Variants in FBXO25 observed in about 807,000 individuals in gnomAD.
FBXO25 encodes F-box protein 25, also known as F-box only protein 25.
In FBXO25, 45 loss-of-function variants were observed where a neutral mutation model predicts 51.9. The ratio of observed to expected loss-of-function variants is 0.87; its 90% CI spans 0.68 to 1.11. The LOEUF is 1.11. Among genes scored for constraint, FBXO25 ranks in the 50% most tolerant of loss-of-function variants. The pLI is 0.00. For synonymous variants in FBXO25, 199 were observed against 151.0 expected (o/e 1.32, Z -2.33); for missense variants, 507 against 428.5 (o/e 1.18, Z -1.62).
rs563515761 is a variant in FBXO25, at chr8:437,797, T to C, written c.381+2090T>C. ...TTATCATACATACTGTGCAGGTATT[T>C]GGTATTTTTTTGCTGTTTTAAATGT... On this transcript the variant is annotated intron_variant, in intron 5 of 9. Transcript: ENST00000350302. 2.0e-5 allele frequency among the ~76,000 whole-genome samples: 3 copies of C among 152,088 alleles called. No individual in the cohort carries two copies. The South Asian group carries it at 6.2e-4, about 32-fold the overall frequency.
intron 5 of FBXO25, among the ~76,000 whole-genome samples, chr8:447,711 C>G (rs1386439507): frequency 2.8e-4 from 42 of 152,140 alleles, no homozygotes; most frequent in Non-Finnish European, 2.9e-5. Flanking sequence ...TTCACATACA[C>G]CTTATACATA....
At chr8:445,062 G>C (rs1045591413) in intron 5 of FBXO25, among the ~76,000 whole-genome samples, 3 of 152,174 alleles carry the variant, frequency 2.0e-5, no homozygotes, top group African/African-American at 7.2e-5. Flanking sequence ...AATGATTACA[G>C]TTTCTTTGTT....
At chr8:408,837 G>C (rs1796322833) in intron 1 of FBXO25, among the ~76,000 whole-genome samples, 1 of 152,058 alleles carries the variant, frequency 6.6e-6, no homozygotes. Context: ...GAAATAAGTT[G>C]GCATAAAATG....
At chr8:430,778 A>T (rs1379812579) in intron 2 of FBXO25, among the ~76,000 whole-genome samples, 1 of 152,228 alleles carries the variant, frequency 6.6e-6, no homozygotes, top group East Asian at 1.9e-4. Context: ...ACGAAGAAGA[A>T]AAGCTTTTAA....
chr8:454,407 T>A (rs1263882367), intron 7 of FBXO25, among the ~76,000 whole-genome samples: 2 of 152,204 alleles, frequency 1.3e-5, no homozygotes, highest in Non-Finnish European at 2.9e-5. Context: ...GATGCCCCCA[T>A]GTGCTCGCTG....
Position 471,421 on chromosome 8 carries a change from A to G in FBXO25, c.*2617A>G, listed in dbSNP as rs896477610. 1 of 152,232 alleles carries G rather than the reference A, an allele frequency of 6.6e-6. No individual in the cohort carries two copies. Among genetic ancestry groups the G allele is most frequent in the Non-Finnish European group, 1.5e-5 (1 of 68,034 alleles). 9.4% of individuals were successfully genotyped at this position (152,232 alleles called of 1,614,324 possible). On this transcript the variant is annotated 3_prime_UTR_variant, in exon 10 of 10. Coordinates refer to ENST00000350302, the MANE Select transcript of FBXO25 (RefSeq NM_183420.2). ...ACTTTGGAATGGTATTTTTGAATAC[A>G]GTTTCTATCAGGGGGCCTTCCAAAA...
At chr8:419,136 G>T (rs1374891022) in intron 2 of FBXO25, among the ~76,000 whole-genome samples, 1 of 151,912 alleles carries the variant, frequency 6.6e-6, no homozygotes, top group African/African-American at 2.4e-5. Flanking sequence ...AAGGCGGGCG[G>T]ATCACCTGAG....
In FBXO25 at chr8:468,728, C is replaced by T. The variant is rs760339020; in HGVS notation, c.1001C>T (p.Pro334Leu). ...ACCTCCCCACAGGACTCAGGACACCCCTGCACGGCGGCCGACCCTGACAGC... is the reference window on the plus strand; with the variant it reads ...ACCTCCCCACAGGACTCAGGACACCTCTGCACGGCGGCCGACCCTGACAGC... Reference protein sequence around the residue: ...SILFWKDSGHPCTAADPDSCF... With the variant: ...SILFWKDSGHLCTAADPDSCF... The change falls in exon 10 of 10, where the codon CCC becomes CTC. Residue 334 changes from proline (P) to leucine (L), a missense_variant. Physicochemically the swap from Pro to Leu is moderately conservative, Grantham distance 98 (BLOSUM62 -3). Transcript: ENST00000350302. The T allele has an allele frequency of 8.1e-6, 13 of 1,614,016 alleles. No individual in the cohort carries two copies. In the Admixed American group the frequency reaches 8.3e-5, roughly 10 times the overall value.
rs967754028 is a variant in FBXO25, at chr8:477,898, T to G, written c.*9094T>G. 3.3e-5 allele frequency: 5 copies of G among 152,228 alleles called. No homozygotes were observed. Among genetic ancestry groups the G allele is most frequent in the Non-Finnish European group, 5.9e-5 (4 of 68,026 alleles). 9.4% of individuals were successfully genotyped at this position (152,228 alleles called of 1,614,324 possible). A position where few individuals can be genotyped will look rare whatever the true frequency, so the allele number is the denominator to read the frequency against. On this transcript the variant is annotated 3_prime_UTR_variant, in exon 10 of 10. Transcript: ENST00000350302. Reference sequence around the variant, plus strand: ...CTGGTGGGCCCAATTTTGGCCTGTATTTCACTTGCCAACCTGATTTATACT... The same window carrying G: ...CTGGTGGGCCCAATTTTGGCCTGTAGTTCACTTGCCAACCTGATTTATACT...
At position 463,165 on chromosome 8, in the gene FBXO25, G is replaced by C; in HGVS notation, c.987+15G>C. 6.2e-7 allele frequency: 1 copy of C among 1,604,790 alleles called. No homozygotes were observed. The highest frequency in any genetic ancestry group is 8.5e-7 in the Non-Finnish European group (1 of 1,178,182). On this transcript the variant is annotated intron_variant, in intron 9 of 9. Coordinates refer to ENST00000350302, the MANE Select transcript of FBXO25 (RefSeq NM_183420.2). Reference sequence around the variant, plus strand: ...TCTTTTGGAAGGTACTGATTTAAATGCACTCTTGGAATTTCAGGATTAAAT... The same window carrying C: ...TCTTTTGGAAGGTACTGATTTAAATCCACTCTTGGAATTTCAGGATTAAAT...
At chr8:468,649 A>T in intron 9 of FBXO25, 66 bp from the exon 10 acceptor site, 1 of 1,276,752 alleles carries the variant, frequency 7.8e-7, no homozygotes, top group Non-Finnish European at 1.1e-6. Context: ...ACGACCCCTC[A>T]AGCACCATCA....
chr8:433,951 C>A (rs945106125), intron 4 of FBXO25, among the ~76,000 whole-genome samples: 3 of 152,184 alleles, frequency 2.0e-5, no homozygotes, highest in African/African-American at 7.2e-5. Context: ...TTGTGAAAAA[C>A]AAAATTTAGT....
intron 5 of FBXO25, among the ~76,000 whole-genome samples, chr8:445,223 G>C (rs186060886): frequency 1.3e-5 from 2 of 152,230 alleles, no homozygotes; most frequent in Non-Finnish European, 2.9e-5. Context: ...TAAACTGACC[G>C]TGCTAAGCTA....
Position 471,382 on chromosome 8 carries a change from AATC to A in FBXO25, c.*2581_*2583del, listed in dbSNP as rs1303421443. On this transcript the variant is annotated 3_prime_UTR_variant, in exon 10 of 10. Coordinates refer to ENST00000350302, the MANE Select transcript of FBXO25 (RefSeq NM_183420.2). ...AACACCAAACAGAGATGAGAAGAGA[AATC>A]ATAGATCTCCACTTTGGAATGGTAT... The A allele has an allele frequency of 6.6e-6, 1 of 152,062 alleles. No homozygotes were observed. The highest frequency in any genetic ancestry group is 1.5e-5 in the Non-Finnish European group (1 of 67,998). The allele number at this position is 152,062 out of a possible 1,614,324, so 9.4% of individuals were successfully genotyped here.
In FBXO25 at chr8:477,822, C is replaced by T. The variant is rs753237006; in HGVS notation, c.*9018C>T. On this transcript the variant is annotated 3_prime_UTR_variant, in exon 10 of 10. Transcript: ENST00000350302. Reference sequence around the variant, plus strand: ...GATATTACCCTTTTACATCTTTTCACTATTTAAAAATGTAAAAATCATTCT... The same window carrying T: ...GATATTACCCTTTTACATCTTTTCATTATTTAAAAATGTAAAAATCATTCT... 1 of 152,244 alleles carries T rather than the reference C, an allele frequency of 6.6e-6. No individual in the cohort carries two copies. Among genetic ancestry groups the T allele is most frequent in the Non-Finnish European group, 1.5e-5 (1 of 68,046 alleles). 9.4% of individuals were successfully genotyped at this position (152,244 alleles called of 1,614,324 possible). A position where few individuals can be genotyped will look rare whatever the true frequency, so the allele number is the denominator to read the frequency against.
intron 7 of FBXO25, among the ~76,000 whole-genome samples, chr8:454,773 C>T (rs1030225566): frequency 3.9e-5 from 6 of 151,972 alleles, no homozygotes; most frequent in Non-Finnish European, 7.4e-5. Context: ...TGCCTGTGGT[C>T]CCAGCTACTT....
chr8:431,512 T>C (rs1797820070), intron 3 of FBXO25, 68 bp downstream of exon 3: 10 of 770,788 alleles, frequency 1.3e-5, no homozygotes, highest in East Asian at 2.8e-5. Flanking sequence ...ACTCTGACAA[T>C]GCTATCTTAT....
At position 430,653 on chromosome 8, in the gene FBXO25, AT is replaced by A. The variant is rs1797771089; in HGVS notation, c.135-684del. On this transcript the variant is annotated intron_variant, in intron 2 of 9. Transcript: ENST00000350302. The stretch of plus-strand genomic sequence containing the variant: ...TGTTATCAGTGTGTGGAAAATAAAA[AT>A]TTTACACAGCGTTAGTTTTGAGGAT... Among the ~76,000 whole-genome samples the A allele has an allele frequency of 2.6e-5, 4 of 152,158 alleles. No homozygotes were observed. The South Asian group carries it at 8.3e-4, about 32-fold the overall frequency.
intron 7 of FBXO25, among the ~76,000 whole-genome samples, chr8:455,435 C>G (rs1444165245): frequency 1.3e-5 from 2 of 152,152 alleles, no homozygotes; most frequent in Non-Finnish European, 2.9e-5. Flanking sequence ...TTGAGGGAGA[C>G]TTCAGTGACT....
Sources: gnomAD v4.1 joint callset for allele counts (sites outside exome capture counted in the v4.1 genomes callset) on GRCh38, gnomAD v4.1.1 for gene constraint, MANE v1.5 for transcripts, NCBI Gene and HGNC (gene_info 2026-07-23, HGNC 2026-07-21) for gene names.